C14orf39: variants seen among roughly 807,000 people sequenced by gnomAD.
The protein encoded by C14orf39 is protein SIX6OS1.
C14orf39 carries 66 observed loss-of-function variants against 85.6 expected under a neutral mutation model. That is an observed-to-expected ratio of 0.77 (90% CI 0.63 to 0.95). The LOEUF (loss-of-function observed/expected upper bound fraction) is 0.95. Among genes scored for constraint, C14orf39 ranks in the 40% least tolerant of loss-of-function variants. The pLI is 0.00. For missense variants in C14orf39, 735 were observed against 663.9 expected, an observed-to-expected ratio of 1.11 and a Z score of -1.18; for synonymous variants, 242 against 214.0, an observed-to-expected ratio of 1.13 and a Z score of -1.14.
At chr14:60,445,888 A>G (rs1339512485) in intron 16 of C14orf39, among the ~76,000 whole-genome samples, 1 of 152,224 alleles carries the variant, frequency 6.6e-6, no homozygotes, top group Non-Finnish European at 1.5e-5. Flanking sequence ...CAATCAAATT[A>G]GAACTCAGGA....
chr14:60,436,966 G>C lies in C14orf39; in HGVS notation c.1643C>G (p.Ala548Gly). The change falls in exon 18 of 18, where the codon GCT becomes GGT. Residue 548 changes from alanine (A) to glycine (G), a missense_variant. By Grantham distance (60) the Ala-to-Gly change is moderately conservative. Coordinates refer to ENST00000321731, the MANE Select transcript of C14orf39 (RefSeq NM_174978.3). ...TGGAAAACTAAAATCATCTTTTCCA[G>C]CTCCAAATGTATGAGTTGAAGTGTC... Reference protein sequence around the residue: ...PSDTSTHTFGAGKDDFSFPFS... With the variant: ...PSDTSTHTFGGGKDDFSFPFS... 1 of 1,612,728 alleles carries C rather than the reference G, an allele frequency of 6.2e-7. No homozygotes were observed. The highest frequency in any genetic ancestry group is 8.5e-7 in the Non-Finnish European group (1 of 1,179,084).
intron 1 of C14orf39, among the ~76,000 whole-genome samples, chr14:60,507,932 A>G (rs1893227461): frequency 1.3e-5 from 2 of 152,118 alleles, no homozygotes; most frequent in African/African-American, 4.8e-5. Context: ...GGCCCAGATG[A>G]GATCATGGTT....
chr14:60,493,192 A>G (rs1292138739), intron 2 of C14orf39, among the ~76,000 whole-genome samples: 1 of 152,230 alleles, frequency 6.6e-6, no homozygotes, highest in Non-Finnish European at 1.5e-5. Context: ...CCTAAGGACT[A>G]AAATAAGCCC....
intron 1 of C14orf39, chr14:60,512,508 T>C (rs1328137333): frequency 6.6e-6 from 1 of 152,200 alleles, no homozygotes; most frequent in Non-Finnish European, 1.5e-5. Flanking sequence ...AGAGGGATAC[T>C]GAGATGGGGG....
At chr14:60,498,524 T>A (rs559173295) in intron 2 of C14orf39, among the ~76,000 whole-genome samples, 3 of 152,358 alleles carry the variant, frequency 2.0e-5, no homozygotes, top group Admixed American at 1.3e-4. Flanking sequence ...ATTATCTATA[T>A]CTACAACTCA....
At chr14:60,492,411 C>G (rs957860783) in intron 2 of C14orf39, among the ~76,000 whole-genome samples, 1 of 152,018 alleles carries the variant, frequency 6.6e-6, no homozygotes, top group African/African-American at 2.4e-5. Flanking sequence ...AAGTTTAAGA[C>G]AGGGCCTGGG....
intron 1 of C14orf39, among the ~76,000 whole-genome samples, chr14:60,507,706 A>G (rs1266068800): frequency 6.6e-6 from 1 of 152,094 alleles, no homozygotes; most frequent in African/African-American, 2.4e-5. Context: ...CATCTGTGCT[A>G]TCTATCTGCC....
At chr14:60,480,997 C>T in intron 4 of C14orf39, among the ~76,000 whole-genome samples, 1 of 152,016 alleles carries the variant, frequency 6.6e-6, no homozygotes, top group East Asian at 1.9e-4. Flanking sequence ...GATCAAAGAA[C>T]ACAAAGTTTA....
chr14:60,510,040 C>A, intron 1 of C14orf39: 1 of 1,359,302 alleles, frequency 7.4e-7, no homozygotes, highest in Non-Finnish European at 1.0e-6. Context: ...CTCTGGCGCC[C>A]TTACCCAGTC....
intron 1 of C14orf39, chr14:60,511,018 T>C (rs767337502): frequency 2.4e-4 from 363 of 1,515,452 alleles, no homozygotes; most frequent in Non-Finnish European, 3.1e-4. Context: ...ACGCAGGAGG[T>C]GGTGGGGGCG....
Position 60,458,736 on chromosome 14 carries a change from G to T in C14orf39, c.1121C>A (p.Ala374Asp). 6.3e-7 allele frequency: 1 copy of T among 1,595,464 alleles called. No homozygotes were observed. ...NQWSEKGDKD[A>D]EYGDKGTVRQ... is the part of the protein sequence containing the mutation. ...TACTGTCCCTTTATCTCCATACTCAGCATCTGTTGTCATATGAGAACAAAC... is the reference window on the plus strand; with the variant it reads ...TACTGTCCCTTTATCTCCATACTCATCATCTGTTGTCATATGAGAACAAAC... The change falls in exon 14 of 18, where the codon GCT becomes GAT. Residue 374 changes from alanine (A) to aspartate (D), a missense_variant. By Grantham distance (126) the Ala-to-Asp change is moderately radical. Transcript: ENST00000321731.
At chr14:60,460,866 A>G (rs1375745926) in intron 13 of C14orf39, among the ~76,000 whole-genome samples, 1 of 151,836 alleles carries the variant, frequency 6.6e-6, no homozygotes. Flanking sequence ...TAGAGGCATT[A>G]TTTATAATAG....
At chr14:60,443,700 G>A (rs1479034400) in intron 16 of C14orf39, among the ~76,000 whole-genome samples, 1 of 152,224 alleles carries the variant, frequency 6.6e-6, no homozygotes, top group African/African-American at 2.4e-5. Flanking sequence ...CAAGCTCAGA[G>A]AATGGACAGA....
chr14:60,495,243 G>A, intron 2 of C14orf39: 1 of 214,884 alleles, frequency 4.7e-6, no homozygotes, highest in Middle Eastern at 5.8e-4. Flanking sequence ...TGGTGGACTT[G>A]TCAATGTTCT....
rs745983815 is a variant in C14orf39 at position 60,461,604 on chromosome 14, G to A, written c.973-11C>T. ...AGAGTCATTAAATATCTGAAAGAAA[G>A]AAATTAAGCATCTGACTTGGCTACA... On this transcript the variant is annotated splice_polypyrimidine_tract_variant and intron_variant, in intron 11 of 17. Coordinates refer to ENST00000321731, the MANE Select transcript of C14orf39 (RefSeq NM_174978.3). 1 of 1,517,354 alleles carries A rather than the reference G, an allele frequency of 6.6e-7. No individual in the cohort carries two copies. Among genetic ancestry groups the A allele is most frequent in the East Asian group, 2.3e-5 (1 of 43,738 alleles). The allele number at this position is 1,517,354 out of a possible 1,614,324, so 94.0% of individuals were successfully genotyped here.
intron 9 of C14orf39, among the ~76,000 whole-genome samples, chr14:60,467,250 A>T (rs1203695389): frequency 6.6e-6 from 1 of 151,818 alleles, no homozygotes; most frequent in African/African-American, 2.4e-5. Context: ...CCCCTGATTA[A>T]GTTCAATGCT....
intron 5 of C14orf39, among the ~76,000 whole-genome samples, chr14:60,477,638 A>G (rs907002569): frequency 7.9e-5 from 12 of 152,324 alleles, no homozygotes; most frequent in African/African-American, 2.9e-4. Context: ...ATAAAATACC[A>G]TTCAGAAATC....
chr14:60,504,468 G>A (rs767522727), intron 1 of C14orf39, among the ~76,000 whole-genome samples: 1 of 152,106 alleles, frequency 6.6e-6, no homozygotes, highest in Non-Finnish European at 1.5e-5. Context: ...TATTTTAGAA[G>A]GATATTTCGA....
At chr14:60,464,584 T>C (rs765367059) in intron 11 of C14orf39, among the ~76,000 whole-genome samples, 13 of 152,112 alleles carry the variant, frequency 8.5e-5, no homozygotes, top group Non-Finnish European at 1.5e-4. Flanking sequence ...TCTTGGTAAA[T>C]TGTTCTTTTT....
Sources: allele counts gnomAD v4.1 joint callset (sites outside exome capture counted in the v4.1 genomes callset), GRCh38; gene constraint gnomAD v4.1.1; transcripts MANE v1.5; gene names NCBI Gene and HGNC (gene_info 2026-07-23, HGNC 2026-07-21).